The following VEZT variants were observed in gnomAD, a reference collection of about 807,000 sequenced individuals.
The protein encoded by VEZT is vezatin.
Under a neutral mutation model 79.9 loss-of-function variants are expected in VEZT, and 39 were observed. The observed-to-expected ratio is 0.49, with a 90% CI of 0.38 to 0.64. The LOEUF (loss-of-function observed/expected upper bound fraction) is 0.64. VEZT is among the 30% of genes least tolerant of loss of function. The pLI is 0.00. For missense variants in VEZT, 837 were observed against 893.1 expected, an observed-to-expected ratio of 0.94 and a Z score of 0.80; for synonymous variants, 325 against 327.6, an observed-to-expected ratio of 0.99 and a Z score of 0.09.
chr12:95,244,750 G>A (rs1338245232), intron 1 of VEZT, among the ~76,000 whole-genome samples: 1 of 148,040 alleles, frequency 6.8e-6, no homozygotes, highest in African/African-American at 2.5e-5. Context: ...TTTATTTGTT[G>A]AAGAAATTTG....
intron 8 of VEZT, among the ~76,000 whole-genome samples, chr12:95,283,098 G>A (rs1333880556): frequency 6.6e-6 from 1 of 152,152 alleles, no homozygotes; most frequent in African/African-American, 2.4e-5. Flanking sequence ...CAGCAGATCT[G>A]AAAATTTTTT....
At chr12:95,268,184 A>G (rs556726661) in intron 5 of VEZT, among the ~76,000 whole-genome samples, 13 of 152,220 alleles carry the variant, frequency 8.5e-5, no homozygotes, top group African/African-American at 3.1e-4. Context: ...AAAGTTTAAA[A>G]AAATCATGCT....
At chr12:95,296,337 C>T in intron 11 of VEZT, 79 bp downstream of exon 11, 1 of 1,379,618 alleles carries the variant, frequency 7.2e-7, no homozygotes, top group Admixed American at 2.6e-5. Flanking sequence ...GTTATTTTAG[C>T]TGAAGAATTC....
intron 7 of VEZT, among the ~76,000 whole-genome samples, chr12:95,278,377 A>G (rs1337611543): frequency 6.6e-6 from 1 of 152,192 alleles, no homozygotes; most frequent in Admixed American, 6.5e-5. Flanking sequence ...TTATTTTTAC[A>G]TATAACTAAC....
chr12:95,218,275 T>G (rs1295453136), intron 1 of VEZT: 1 of 164,358 alleles, frequency 6.1e-6, no homozygotes, highest in Non-Finnish European at 1.3e-5. Flanking sequence ...GCGATTTTTT[T>G]GGGTCAGTAT....
rs1401642104 is a variant in VEZT at position 95,300,270 on chromosome 12, A to G, written c.1937A>G (p.Glu646Gly). The change falls in exon 12 of 12, where the codon GAG (glutamate) becomes GGG (glycine). Residue 646 changes from glutamate to glycine, a missense_variant. By Grantham distance (98) the Glu-to-Gly change is moderately conservative (BLOSUM62 -2). Coordinates refer to ENST00000436874, the MANE Select transcript of VEZT (RefSeq NM_017599.4). ...AAAGTCAGTAAAAATGATACTGAAG[A>G]GGAAAGTAATAAATCCGCCACAACA... ...MGKVSKNDTE[E>G]ESNKSATTDN... is the part of the protein sequence containing the mutation. 1 of 1,594,648 alleles carries G rather than the reference A, an allele frequency of 6.3e-7. No individual in the cohort carries two copies. Among genetic ancestry groups the G allele is most frequent in the Non-Finnish European group, 8.5e-7 (1 of 1,169,812 alleles).
At chr12:95,278,963 G>A (rs1050008418) in intron 7 of VEZT, among the ~76,000 whole-genome samples, 3 of 152,168 alleles carry the variant, frequency 2.0e-5, no homozygotes, top group South Asian at 2.1e-4. Context: ...CCAGCTACTC[G>A]GGAGGCTGAG....
chr12:95,217,963 TC>T lies in VEZT; in HGVS notation c.36+80del, dbSNP rs368083261. The T allele has an allele frequency of 2.3e-3, 3,251 of 1,404,430 alleles. 7 individuals are homozygous for T. The highest frequency in any genetic ancestry group is 0.016 in the Middle Eastern group (84 of 5,340). 87.0% of individuals were successfully genotyped at this position (1,404,430 alleles called of 1,614,324 possible). ...GACGGAAATCGAGGAAGCAAGGCGT[TC>T]CCGGGGCGAGGGATCGGGTGACGCG... On this transcript the variant is annotated intron_variant, in intron 1 of 11. Transcript: ENST00000436874.
chr12:95,253,119 A>G (rs2062879472), intron 2 of VEZT, among the ~76,000 whole-genome samples: 1 of 152,236 alleles, frequency 6.6e-6, no homozygotes, highest in Non-Finnish European at 1.5e-5. Flanking sequence ...CTCTGTCTAC[A>G]TGTCTAGTAT....
intron 1 of VEZT, among the ~76,000 whole-genome samples, chr12:95,238,142 CAA>C (rs1198657743): frequency 2.6e-5 from 4 of 152,062 alleles, no homozygotes; most frequent in Admixed American, 6.6e-5. Context: ...CAATTTTTCT[CAA>C]AGAGACAATT....
chr12:95,265,140 C>T (rs895684004), intron 4 of VEZT, among the ~76,000 whole-genome samples: 1 of 152,058 alleles, frequency 6.6e-6, no homozygotes, highest in South Asian at 2.1e-4. Context: ...AGATTACAGG[C>T]GTGGGCCACT....
rs117962032 is a variant in VEZT at position 95,221,914 on chromosome 12, T to C, written c.36+4028T>C. Among the ~76,000 whole-genome samples, 301 of 152,290 alleles carry C rather than the reference T, an allele frequency of 2.0e-3. 9 individuals carry two copies. In the East Asian group the frequency reaches 0.054, roughly 27 times the overall value. ...CTATACAGGATAACAACTATTTACA[T>C]AGTGTTCACATTGTATTAGGTATTA... On this transcript the variant is annotated intron_variant, in intron 1 of 11. Transcript: ENST00000436874.
chr12:95,291,749 GTA>G (rs2072886421), intron 9 of VEZT, among the ~76,000 whole-genome samples: 1 of 152,180 alleles, frequency 6.6e-6, no homozygotes, highest in Non-Finnish European at 1.5e-5. Flanking sequence ...CTGCAAGCAT[GTA>G]ATTAAAAATC....
chr12:95,266,560 C>T lies in VEZT; in HGVS notation c.638C>T (p.Ala213Val), dbSNP rs777604981. Residue 213 changes from alanine (A) to valine (V), a missense_variant, in exon 5 of 12, where the codon GCT becomes GTT. Physicochemically the swap from Ala to Val is moderately conservative, Grantham distance 64. Transcript: ENST00000436874. ...HLEDMATNSR[A>V]FTNLVRKALR... The stretch of plus-strand genomic sequence containing the variant: ...GAAGATATGGCCACAAACAGCCGAG[C>T]TTTTACTAACCTCGTGAGAAAAGCT... 3.1e-6 allele frequency: 5 copies of T among 1,613,864 alleles called. No homozygotes were observed. In the Admixed American group the frequency reaches 5.0e-5, roughly 16 times the overall value.
chr12:95,246,347 TC>T (rs2061718044), intron 1 of VEZT, among the ~76,000 whole-genome samples: 1 of 152,180 alleles, frequency 6.6e-6, no homozygotes, highest in Admixed American at 6.5e-5. Context: ...GGTCTCGAAC[TC>T]CTGACCTCAA....
intron 1 of VEZT, among the ~76,000 whole-genome samples, chr12:95,237,812 A>G (rs376331074): frequency 2.9e-4 from 44 of 152,288 alleles, no homozygotes; most frequent in East Asian, 1.5e-3. Context: ...CCTTAGGCTA[A>G]TAAGTATAGA....
At chr12:95,284,720 G>A (rs2070154599) in intron 8 of VEZT, among the ~76,000 whole-genome samples, 1 of 152,132 alleles carries the variant, frequency 6.6e-6, no homozygotes, top group Non-Finnish European at 1.5e-5. Context: ...AAAAGTAAGG[G>A]CGGGCCAGGC....
At chr12:95,243,862 T>C (rs2061367559) in intron 1 of VEZT, 2 of 428,002 alleles carry the variant, frequency 4.7e-6, no homozygotes, top group East Asian at 7.1e-5. Flanking sequence ...CAGGTTGTTA[T>C]AAAGTAAGGA....
In VEZT at chr12:95,270,172, C is replaced by CTA; in HGVS notation, c.838_839dup (p.Met280IlefsTer3). The stretch of plus-strand genomic sequence containing the variant: ...CTTCCAAGCAGCAAGGCTAGCTACC[C>CTA]TATATATGCTGAAAAAATATCCTTT... On this transcript the variant is annotated frameshift_variant, in exon 6 of 12. Transcript: ENST00000436874. LOFTEE classifies it high-confidence loss of function. 6.2e-7 allele frequency: 1 copy of CTA among 1,604,988 alleles called. No individual in the cohort carries two copies. Among genetic ancestry groups the CTA allele is most frequent in the Non-Finnish European group, 8.5e-7 (1 of 1,176,316 alleles).
Sources: allele counts gnomAD v4.1 joint callset (sites outside exome capture counted in the v4.1 genomes callset), GRCh38; gene constraint gnomAD v4.1.1; transcripts MANE v1.5; gene names NCBI Gene and HGNC (gene_info 2026-07-23, HGNC 2026-07-21).